The following GRIK2 variants were observed in gnomAD, a reference collection of about 807,000 sequenced individuals.
The protein encoded by GRIK2 is glutamate receptor ionotropic, kainate 2.
GRIK2 carries 32 observed loss-of-function variants against 100.3 expected under a neutral mutation model. The ratio of observed to expected loss-of-function variants is 0.32; its 90% CI spans 0.24 to 0.43. The LOEUF (loss-of-function observed/expected upper bound fraction) is 0.43. GRIK2 is among the 20% of genes least tolerant of loss of function. The pLI is 1.00. For synonymous variants in GRIK2, 417 were observed against 389.4 expected, an observed-to-expected ratio of 1.07 and a Z score of -0.83; for missense variants, 843 against 1,114.9, an observed-to-expected ratio of 0.76 and a Z score of 3.47.
Position 101,819,220 on chromosome 6 carries a change from C to G in GRIK2, c.1317+737C>G, listed in dbSNP as rs17062550. Among the ~76,000 whole-genome samples, 419 of 152,180 alleles carry G rather than the reference C, an allele frequency of 2.8e-3. 13 individuals carry two copies. Among genetic ancestry groups the G allele is most frequent in the Admixed American group, 0.022 (331 of 15,264 alleles). On this transcript the variant is annotated intron_variant, in intron 10 of 16. Transcript: ENST00000369134. ...CAGTACTTTTCACCTACCAAATAAG[C>G]TTATCAATGACCATTCTTATTAATC...
intron 15 of GRIK2, among the ~76,000 whole-genome samples, chr6:102,054,533 G>T (rs1009894728): frequency 2.0e-5 from 3 of 151,930 alleles, no homozygotes; most frequent in Non-Finnish European, 4.4e-5. Flanking sequence ...TATGTTTCTG[G>T]TCAATGAATT....
chr6:101,460,320 C>T (rs1215299868), intron 2 of GRIK2, among the ~76,000 whole-genome samples: 1 of 152,180 alleles, frequency 6.6e-6, no homozygotes, highest in Non-Finnish European at 1.5e-5. Context: ...AAGTATCCCT[C>T]TAGAGTAACT....
intron 2 of GRIK2, among the ~76,000 whole-genome samples, chr6:101,473,709 A>G (rs1772073648): frequency 6.6e-6 from 1 of 151,804 alleles, no homozygotes; most frequent in Non-Finnish European, 1.5e-5. Context: ...GTTTTTGCCC[A>G]TATTTTCAAC....
intron 14 of GRIK2, among the ~76,000 whole-genome samples, chr6:101,947,389 C>T (rs1173218406): frequency 6.6e-6 from 1 of 151,988 alleles, no homozygotes; most frequent in Non-Finnish European, 1.5e-5. Flanking sequence ...AACAAAGAAA[C>T]TTTAATCTTA....
At chr6:101,780,063 G>A (rs1778994045) in intron 7 of GRIK2, among the ~76,000 whole-genome samples, 1 of 152,012 alleles carries the variant, frequency 6.6e-6, no homozygotes, top group African/African-American at 2.4e-5. Flanking sequence ...GATATTTTTA[G>A]TTTACTTGGT....
At chr6:102,007,323 T>G (rs1795294381) in intron 14 of GRIK2, among the ~76,000 whole-genome samples, 1 of 151,886 alleles carries the variant, frequency 6.6e-6, no homozygotes, top group Admixed American at 6.6e-5. Context: ...ATAGTGTGAG[T>G]TTGAGTGAGA....
chr6:101,931,913 G>A (rs1231130182), intron 14 of GRIK2, among the ~76,000 whole-genome samples: 1 of 152,028 alleles, frequency 6.6e-6, no homozygotes, highest in African/African-American at 2.4e-5. Context: ...TGGGAATTTA[G>A]TGTACTAGAA....
rs1210390499 is a variant in GRIK2, at chr6:102,033,239, GA to G, written c.2086-2095del. The stretch of plus-strand genomic sequence containing the variant: ...ATTACTATTAATATTTATTTTGCTT[GA>G]AAAAAATTCTATTATTCTTTCTGGA... On this transcript the variant is annotated intron_variant, in intron 14 of 16. Transcript: ENST00000369134. 2.7e-5 allele frequency among the ~76,000 whole-genome samples: 4 copies of G among 148,232 alleles called. No homozygotes were observed. In the East Asian group the frequency reaches 5.8e-4, roughly 22 times the overall value.
At chr6:101,402,771 C>A (rs1582369387) in intron 2 of GRIK2, among the ~76,000 whole-genome samples, 1 of 152,180 alleles carries the variant, frequency 6.6e-6, no homozygotes, top group African/African-American at 2.4e-5. Context: ...CCCAGGCAGG[C>A]GTCTCCAGAG....
intron 4 of GRIK2, among the ~76,000 whole-genome samples, chr6:101,658,954 A>T (rs1481723920): frequency 6.6e-6 from 1 of 151,962 alleles, no homozygotes; most frequent in African/African-American, 2.4e-5. Context: ...GATAGCAAAA[A>T]TTTTCTCCCA....
chr6:101,880,540 T>C (rs1426298203), intron 11 of GRIK2, among the ~76,000 whole-genome samples: 1 of 152,066 alleles, frequency 6.6e-6, no homozygotes, highest in African/African-American at 2.4e-5. Flanking sequence ...ATAGATTCTG[T>C]CATATTATTT....
intron 11 of GRIK2, among the ~76,000 whole-genome samples, chr6:101,885,913 T>A (rs184339467): frequency 1.3e-5 from 2 of 152,216 alleles, no homozygotes; most frequent in African/African-American, 2.4e-5. Context: ...TATTGATACA[T>A]TTATGATTAA....
At chr6:101,689,446 A>G (rs1179104274) in intron 7 of GRIK2, among the ~76,000 whole-genome samples, 1 of 152,154 alleles carries the variant, frequency 6.6e-6, no homozygotes, top group Admixed American at 6.6e-5. Context: ...TTGGATTCAT[A>G]AGAGTTTTTC....
intron 2 of GRIK2, among the ~76,000 whole-genome samples, chr6:101,558,693 G>T (rs2518221): frequency 6.8e-6 from 1 of 146,994 alleles, no homozygotes; most frequent in African/African-American, 2.5e-5. Flanking sequence ...TATGTTGACT[G>T]CTAGTTTTCA....
chr6:101,702,752 A>G (rs1335835937), intron 7 of GRIK2, among the ~76,000 whole-genome samples: 2 of 151,804 alleles, frequency 1.3e-5, no homozygotes, highest in Non-Finnish European at 2.9e-5. Context: ...TGGGAGAAAA[A>G]TATATGTGGA....
chr6:101,788,133 A>G (rs1779562572), intron 7 of GRIK2, among the ~76,000 whole-genome samples: 1 of 151,516 alleles, frequency 6.6e-6, no homozygotes, highest in Non-Finnish European at 1.5e-5. Flanking sequence ...TTTGGCTTTC[A>G]TTTGCATAGA....
chr6:101,503,892 A>C lies in GRIK2; in HGVS notation c.115+104500A>C, dbSNP rs145960223. Among the ~76,000 whole-genome samples the C allele has an allele frequency of 1.9e-3, 291 of 152,254 alleles. 2 individuals carry two copies. The highest frequency in any genetic ancestry group is 6.9e-3 in the African/African-American group (287 of 41,568). On this transcript the variant is annotated intron_variant, in intron 2 of 16. Coordinates refer to ENST00000369134, the MANE Select transcript of GRIK2 (RefSeq NM_021956.5). ...GATGGTGCAGCAGGAGGTTGTGGGA[A>C]GACAAGGTAGGCTTATCTAGAAATA...
At chr6:101,494,971 T>TATA (rs1773349547) in intron 2 of GRIK2, among the ~76,000 whole-genome samples, 5 of 107,958 alleles carry the variant, frequency 4.6e-5, no homozygotes, top group African/African-American at 1.8e-4. Context: ...ATATATGCAT[T>TATA]TATATATATA....
chr6:101,495,044 G>C (rs1773360732), intron 2 of GRIK2, among the ~76,000 whole-genome samples: 1 of 135,046 alleles, frequency 7.4e-6, no homozygotes, highest in South Asian at 2.4e-4. Context: ...TCAATATTTT[G>C]GTATATGCTG....
Sources: allele counts gnomAD v4.1 joint callset (sites outside exome capture counted in the v4.1 genomes callset), GRCh38; gene constraint gnomAD v4.1.1; transcripts MANE v1.5; gene names NCBI Gene and HGNC (gene_info 2026-07-23, HGNC 2026-07-21).